The following SAMD8 variants were observed in gnomAD, a reference collection of about 807,000 sequenced individuals.
The protein encoded by SAMD8 is sterile alpha motif domain containing 8.
Under a neutral mutation model 42.0 loss-of-function variants are expected in SAMD8, and 20 were observed. That is an observed-to-expected ratio of 0.48 (90% CI 0.34 to 0.69). The LOEUF is 0.69. SAMD8 is among the 30% of genes least tolerant of loss of function. The probability of loss-of-function intolerance (pLI) is 0.01; values close to 1 mark genes in which losing one functional copy is unlikely to be tolerated. For synonymous variants in SAMD8, 162 were observed against 173.0 expected (o/e 0.94, Z 0.50); for missense variants, 328 against 511.6 (o/e 0.64, Z 3.46).
At position 75,111,699 on chromosome 10, in the gene SAMD8, G is replaced by T; in HGVS notation, c.-39G>T. ...GGACGCCGACTCGGAGGTGGGTCCG[G>T]GGAGCCCGACTCGGACCGCGGAGGT... On this transcript the variant is annotated 5_prime_UTR_variant, in exon 1 of 6. Transcript: ENST00000542569. 1 of 1,235,398 alleles carries T rather than the reference G, an allele frequency of 8.1e-7. No homozygotes were observed. Among genetic ancestry groups the T allele is most frequent in the Non-Finnish European group, 1.0e-6 (1 of 989,766 alleles). The allele number at this position is 1,235,398 out of a possible 1,614,324, so 76.5% of individuals were successfully genotyped here.
At chr10:75,113,399 T>C (rs932623573) in intron 1 of SAMD8, among the ~76,000 whole-genome samples, 17 of 152,054 alleles carry the variant, frequency 1.1e-4, no homozygotes, top group African/African-American at 3.6e-4. Flanking sequence ...TCTTTTTTTT[T>C]TTTGAGACAG....
At chr10:75,164,770 A>C (rs763655625) in intron 3 of SAMD8, 30 bp downstream of exon 3, 1 of 1,496,850 alleles carries the variant, frequency 6.7e-7, no homozygotes, top group South Asian at 1.1e-5. Flanking sequence ...AATGACTGAA[A>C]ATGTTTTGAC....
chr10:75,154,862 A>C (rs1365922509), intron 2 of SAMD8, among the ~76,000 whole-genome samples: 1 of 152,178 alleles, frequency 6.6e-6, no homozygotes, highest in Non-Finnish European at 1.5e-5. Context: ...GAATTAAGAG[A>C]GAGAAATCAA....
chr10:75,122,650 G>T (rs1251967228), intron 1 of SAMD8, among the ~76,000 whole-genome samples: 1 of 151,732 alleles, frequency 6.6e-6, no homozygotes, highest in Non-Finnish European at 1.5e-5. Context: ...GGGCACTGTG[G>T]CTCTCTCCTG....
At chr10:75,112,223 C>T (rs1848786490) in intron 1 of SAMD8, among the ~76,000 whole-genome samples, 1 of 152,140 alleles carries the variant, frequency 6.6e-6, no homozygotes, top group Admixed American at 6.5e-5. Context: ...GCCTCCCACC[C>T]CGGGTGGGGC....
intron 1 of SAMD8, among the ~76,000 whole-genome samples, chr10:75,122,773 C>T (rs1459910461): frequency 3.3e-5 from 5 of 152,074 alleles, no homozygotes; most frequent in African/African-American, 1.2e-4. Context: ...CCCAAAAAAT[C>T]CTCCTCTGTT....
chr10:75,111,421 C>CTT, upstream of SAMD8: 1 of 970,382 alleles, frequency 1.0e-6, no homozygotes, highest in Non-Finnish European at 1.3e-6. Flanking sequence ...AGCCTCGCGT[C>CTT]TTTTCCAGTG....
chr10:75,132,697 T>C (rs903373429), intron 1 of SAMD8, among the ~76,000 whole-genome samples: 8 of 32,958 alleles, frequency 2.4e-4, no homozygotes, highest in Non-Finnish European at 4.5e-5. Context: ...CAAAGGCAGA[T>C]TTTTTTTTTT....
In SAMD8 at chr10:75,181,452, ATT is replaced by A. The variant is rs1841080090; in HGVS notation, c.*4762_*4763del. ...ACCTCACCCGGATGTAATGCCACCA[ATT>A]TCAAATAACTAAAATGTGACCAATT... On this transcript the variant is annotated 3_prime_UTR_variant, in exon 6 of 6. Coordinates refer to ENST00000542569, the MANE Select transcript of SAMD8 (RefSeq NM_001174156.2). 6.6e-6 allele frequency: 1 copy of A among 152,156 alleles called. No individual in the cohort carries two copies. The highest frequency in any genetic ancestry group is 2.1e-4 in the South Asian group (1 of 4,830). 9.4% of individuals were successfully genotyped at this position (152,156 alleles called of 1,614,324 possible). A position where few individuals can be genotyped will look rare whatever the true frequency, so the allele number is the denominator to read the frequency against.
intron 4 of SAMD8, among the ~76,000 whole-genome samples, chr10:75,173,041 C>T (rs766510206): frequency 6.6e-6 from 1 of 152,116 alleles, no homozygotes; most frequent in African/African-American, 2.4e-5. Context: ...GAGGGATATC[C>T]GTGCATAGGG....
chr10:75,112,459 G>A (rs926382851), intron 1 of SAMD8, among the ~76,000 whole-genome samples: 1 of 147,370 alleles, frequency 6.8e-6, no homozygotes. Flanking sequence ...GGGCTTTCTC[G>A]TTCGTGCACA....
intron 1 of SAMD8, among the ~76,000 whole-genome samples, chr10:75,125,010 C>G (rs1404177422): frequency 6.6e-6 from 1 of 151,988 alleles, no homozygotes. Context: ...TGGTTTTGAA[C>G]TCCTGGCCTC....
chr10:75,103,933 C>G, intron 1 of SAMD8: 1 of 1,317,656 alleles, frequency 7.6e-7, no homozygotes, highest in Non-Finnish European at 1.0e-6. Flanking sequence ...GGGGTGTAGG[C>G]GCCAGGAGGA....
At chr10:75,105,718 T>A in intron 1 of SAMD8, 1 of 1,553,792 alleles carries the variant, frequency 6.4e-7, no homozygotes, top group South Asian at 1.2e-5. Flanking sequence ...GCAGAGCTGG[T>A]GCAGGAAGCC....
intron 1 of SAMD8, among the ~76,000 whole-genome samples, chr10:75,116,106 G>GT (rs926849958): frequency 3.2e-3 from 470 of 145,390 alleles, no homozygotes; most frequent in African/African-American, 6.7e-3. Context: ...TTTTTTGGTA[G>GT]TTTTTTTTTT....
intron 2 of SAMD8, among the ~76,000 whole-genome samples, chr10:75,162,587 T>A (rs1840582638): frequency 6.8e-6 from 1 of 147,630 alleles, no homozygotes; most frequent in Non-Finnish European, 1.5e-5. Context: ...AGGCGGAGGT[T>A]GTGGTGAGCC....
intron 3 of SAMD8, among the ~76,000 whole-genome samples, chr10:75,167,712 C>T (rs987680000): frequency 7.2e-5 from 11 of 152,204 alleles, no homozygotes; most frequent in African/African-American, 2.4e-4. Context: ...CCCACCTCAG[C>T]CTCTCAAGTA....
intron 1 of SAMD8, among the ~76,000 whole-genome samples, chr10:75,099,952 A>G (rs966059040): frequency 1.3e-5 from 2 of 152,126 alleles, no homozygotes; most frequent in Non-Finnish European, 2.9e-5. Flanking sequence ...AGGGCAGTGT[A>G]GTGTGGTGGA....
chr10:75,159,792 A>AC (rs1247629921), intron 2 of SAMD8, among the ~76,000 whole-genome samples: 1 of 151,950 alleles, frequency 6.6e-6, no homozygotes, highest in Non-Finnish European at 1.5e-5. Context: ...TTGATGTCTC[A>AC]CCCTTGCTTT....
Sources: gnomAD v4.1 joint callset for allele counts (sites outside exome capture counted in the v4.1 genomes callset) on GRCh38, gnomAD v4.1.1 for gene constraint, MANE v1.5 for transcripts, NCBI Gene and HGNC (gene_info 2026-07-23, HGNC 2026-07-21) for gene names.